NEDD4: variants seen among roughly 807,000 people sequenced by gnomAD.
The protein encoded by NEDD4 is E3 ubiquitin-protein ligase NEDD4.
Under a neutral mutation model 144.9 loss-of-function variants are expected in NEDD4, and 99 were observed. The observed-to-expected ratio is 0.68, with a 90% CI of 0.58 to 0.81. NEDD4 has a LOEUF of 0.81. NEDD4 is among the 30% of genes least tolerant of loss of function. The probability of loss-of-function intolerance (pLI) is 0.00; values close to 1 mark genes in which losing one functional copy is unlikely to be tolerated. For synonymous variants in NEDD4, 318 were observed against 350.6 expected (o/e 0.91, Z 1.04); for missense variants, 985 against 1,065.9 (o/e 0.92, Z 1.06).
At chr15:55,876,791 T>C (rs1484791769) in intron 5 of NEDD4, among the ~76,000 whole-genome samples, 2 of 152,186 alleles carry the variant, frequency 1.3e-5, no homozygotes, top group African/African-American at 4.8e-5. Flanking sequence ...TAACCATATG[T>C]TGCCTATAAA....
intron 5 of NEDD4, among the ~76,000 whole-genome samples, chr15:55,892,729 G>T (rs1165765116): frequency 6.6e-6 from 1 of 152,024 alleles, no homozygotes; most frequent in African/African-American, 2.4e-5. Flanking sequence ...CATCCCTTTA[G>T]AGTTTTCTCT....
rs114641143 is a variant in NEDD4 at position 55,870,602 on chromosome 15, C to T, written c.405-921G>A. Reference sequence around the variant, plus strand: ...AGGATGAAGCACAGTGGCTCAATTACGGTTCACTGCAGCCTTGACCTCCCA... The same window carrying T: ...AGGATGAAGCACAGTGGCTCAATTATGGTTCACTGCAGCCTTGACCTCCCA... On this transcript the variant is annotated intron_variant, in intron 7 of 28. Coordinates refer to ENST00000435532, the MANE Select transcript of NEDD4 (RefSeq NM_006154.4). Among the ~76,000 whole-genome samples, 1,056 of 146,734 alleles carry T rather than the reference C, an allele frequency of 7.2e-3. 13 individuals are homozygous for T. The highest frequency in any genetic ancestry group is 0.025 in the African/African-American group (1,007 of 39,686).
chr15:55,867,578 G>A (rs10518824), intron 8 of NEDD4, among the ~76,000 whole-genome samples: 21,378 of 151,906 alleles, frequency 0.14, 1,652 homozygotes, highest in East Asian at 0.36. Flanking sequence ...TCCATTATTC[G>A]AGATACTCTG....
intron 1 of NEDD4, chr15:55,987,909 T>C (rs2037919787): frequency 3.5e-5 from 4 of 114,932 alleles, no homozygotes; most frequent in African/African-American, 1.3e-4. Flanking sequence ...GGTAGTGTGA[T>C]GCCTCCAGCT....
intron 5 of NEDD4, among the ~76,000 whole-genome samples, chr15:55,914,731 A>T: frequency 6.6e-6 from 1 of 151,954 alleles, no homozygotes. Flanking sequence ...TTTATGAATG[A>T]TCTTATAAAC....
chr15:55,885,957 G>A (rs1422276958), intron 5 of NEDD4, among the ~76,000 whole-genome samples: 2 of 150,512 alleles, frequency 1.3e-5, no homozygotes, highest in African/African-American at 2.4e-5. Context: ...TTGTCTACAA[G>A]AAACACATTT....
chr15:55,897,924 G>T (rs1465664064), intron 5 of NEDD4, among the ~76,000 whole-genome samples: 1 of 152,096 alleles, frequency 6.6e-6, no homozygotes, highest in Non-Finnish European at 1.5e-5. Context: ...CCCATCCTTG[G>T]CTGTGGAATC....
At chr15:55,988,772 G>T (rs2037940579) in intron 1 of NEDD4, among the ~76,000 whole-genome samples, 1 of 151,972 alleles carries the variant, frequency 6.6e-6, no homozygotes, top group Non-Finnish European at 1.5e-5. Context: ...AAGATGATGG[G>T]GCATTGTGTC....
At chr15:55,900,775 C>A (rs1196657712) in intron 5 of NEDD4, among the ~76,000 whole-genome samples, 2 of 152,134 alleles carry the variant, frequency 1.3e-5, no homozygotes, top group Non-Finnish European at 2.9e-5. Context: ...TGCTTTTACC[C>A]TGTCAACAAC....
intron 9 of NEDD4, among the ~76,000 whole-genome samples, 186 bp from the exon 10 acceptor site, chr15:55,860,964 C>T (rs2034382148): frequency 6.6e-6 from 1 of 152,124 alleles, no homozygotes; most frequent in South Asian, 2.1e-4. Context: ...ATTTAGAGTA[C>T]CTTACGGAGT....
intron 4 of NEDD4, among the ~76,000 whole-genome samples, chr15:55,950,519 G>T (rs776298176): frequency 6.6e-5 from 10 of 152,224 alleles, no homozygotes; most frequent in Non-Finnish European, 1.5e-5. Context: ...TTTCAGGAAT[G>T]ATCTGCCATG....
intron 7 of NEDD4, among the ~76,000 whole-genome samples, chr15:55,870,326 G>A (rs1361134931): frequency 6.6e-6 from 1 of 152,134 alleles, no homozygotes; most frequent in Non-Finnish European, 1.5e-5. Flanking sequence ...CCTGATCAGT[G>A]TCTGAAACCT....
intron 5 of NEDD4, chr15:55,916,980 A>G (rs867922378): frequency 7.3e-7 from 1 of 1,378,968 alleles, no homozygotes; most frequent in Non-Finnish European, 9.4e-7. Context: ...TATCCTAAGT[A>G]AAACATTAGA....
intron 8 of NEDD4, among the ~76,000 whole-genome samples, chr15:55,867,248 A>G (rs529621906): frequency 8.5e-5 from 13 of 152,342 alleles, no homozygotes; most frequent in African/African-American, 2.9e-4. Flanking sequence ...TCTAGTCATT[A>G]GCTACACAGA....
chr15:55,869,234 T>C (rs1460598313), intron 8 of NEDD4, among the ~76,000 whole-genome samples: 1 of 152,038 alleles, frequency 6.6e-6, no homozygotes, highest in African/African-American at 2.4e-5. Context: ...CATAAAAGAG[T>C]TCCTAATCAG....
intron 5 of NEDD4, among the ~76,000 whole-genome samples, chr15:55,921,403 C>T (rs868352090): frequency 1.3e-4 from 20 of 151,958 alleles, no homozygotes; most frequent in African/African-American, 4.8e-4. Flanking sequence ...CAGCTCACTG[C>T]AACCTCCACC....
intron 6 of NEDD4, among the ~76,000 whole-genome samples, 194 bp downstream of exon 6, chr15:55,873,764 T>C (rs976776468): frequency 6.6e-6 from 1 of 152,078 alleles, no homozygotes. Context: ...CTCACTGGGG[T>C]TCATGAACGG....
chr15:55,863,559 A>C (rs1344883033), intron 8 of NEDD4, among the ~76,000 whole-genome samples: 1 of 152,228 alleles, frequency 6.6e-6, no homozygotes. Flanking sequence ...AAATATATAC[A>C]ATTATTGTCA....
chr15:55,836,085 C>T lies in NEDD4; in HGVS notation c.2262+1704G>A, dbSNP rs1259478247. Among the ~76,000 whole-genome samples the T allele has an allele frequency of 2.6e-5, 4 of 152,244 alleles. No homozygotes were observed. In the South Asian group the frequency reaches 8.3e-4, roughly 32 times the overall value. ...TTATTGCCAGACTTCACACACGCTG[C>T]TCCTGTTGCTTAGAACTGCATTTCC... On this transcript the variant is annotated intron_variant, in intron 24 of 28. Coordinates refer to ENST00000435532, the MANE Select transcript of NEDD4 (RefSeq NM_006154.4).
Sources: allele counts gnomAD v4.1 joint callset (sites outside exome capture counted in the v4.1 genomes callset), GRCh38; gene constraint gnomAD v4.1.1; transcripts MANE v1.5; gene names NCBI Gene and HGNC (gene_info 2026-07-23, HGNC 2026-07-21).